SNAP47: variants seen among roughly 807,000 people sequenced by gnomAD.
The protein encoded by SNAP47 is synaptosome associated protein 47.
SNAP47 carries 20 observed loss-of-function variants against 31.4 expected under a neutral mutation model. The observed-to-expected ratio is 0.64, with a 90% CI of 0.45 to 0.93. The LOEUF is 0.93. Ranked by LOEUF, SNAP47 falls within the 40% of genes least tolerant of loss-of-function variation. SNAP47 has a pLI of 0.00. For synonymous variants in SNAP47, 194 were observed against 213.4 expected, an observed-to-expected ratio of 0.91 and a Z score of 0.79; for missense variants, 492 against 528.5, an observed-to-expected ratio of 0.93 and a Z score of 0.68.
upstream of SNAP47, chr1:227,734,142 G>A: frequency 7.7e-7 from 1 of 1,295,908 alleles, no homozygotes; most frequent in South Asian, 1.4e-5. Flanking sequence ...CTTCCAGATG[G>A]CTGCAGCCCC....
chr1:227,759,572 A>C, intron 3 of SNAP47, 87 bp downstream of exon 3: 1 of 1,525,012 alleles, frequency 6.6e-7, no homozygotes. Context: ...TGCCTAACAG[A>C]TGCGTCACCT....
upstream of SNAP47, chr1:227,735,108 C>G (rs992174394): frequency 7.0e-6 from 11 of 1,576,100 alleles, no homozygotes; most frequent in Non-Finnish European, 8.6e-6. Context: ...CTGGAAAACA[C>G]GCAGGGCAGG....
rs748177178 is a variant in SNAP47, at chr1:227,747,988, G to A, written c.252G>A (p.Arg84=). 6 of 1,614,250 alleles carry A rather than the reference G, an allele frequency of 3.7e-6. No homozygotes were observed. Among genetic ancestry groups the A allele is most frequent in the Middle Eastern group, 3.3e-4 (2 of 6,062 alleles). Residue 84 remains arginine (R), a synonymous_variant, in exon 2 of 5, where the codon CGG becomes CGA. Coordinates refer to ENST00000617596, the MANE Select transcript of SNAP47 (RefSeq NM_053052.4). ...CCAAGCACTGGTTCAGCTCCCTGCG[G>A]CCAAGTCGAAATGTGGTCTTCAGCA... ...GHAKHWFSSL[R]PSRNVVFSII... is the part of the protein sequence containing the mutation.
At chr1:227,754,102 G>A (rs1004347691) in intron 2 of SNAP47, among the ~76,000 whole-genome samples, 1 of 152,234 alleles carries the variant, frequency 6.6e-6, no homozygotes, top group Non-Finnish European at 1.5e-5. Context: ...AGTGGAAGTA[G>A]CTCTCAGCAG....
intron 3 of SNAP47, among the ~76,000 whole-genome samples, chr1:227,764,341 C>T (rs919026093): frequency 2.0e-5 from 3 of 152,224 alleles, no homozygotes; most frequent in Non-Finnish European, 2.9e-5. Flanking sequence ...AGAATTCTGT[C>T]CAGCCTTCTG....
intron 2 of SNAP47, among the ~76,000 whole-genome samples, chr1:227,749,209 G>A (rs1486884997): frequency 6.6e-6 from 1 of 152,020 alleles, no homozygotes; most frequent in Non-Finnish European, 1.5e-5. Flanking sequence ...TTTTGTCGCG[G>A]TCGTTTTTCC....
intron 1 of SNAP47, among the ~76,000 whole-genome samples, 198 bp from the exon 2 acceptor site, chr1:227,747,494 C>T (rs916266904): frequency 6.6e-6 from 1 of 152,168 alleles, no homozygotes; most frequent in African/African-American, 2.4e-5. Flanking sequence ...CAAACCAGCC[C>T]TCCTGCTCTG....
At chr1:227,728,349 G>C (rs966501971), upstream of SNAP47, among the ~76,000 whole-genome samples, 18 of 149,886 alleles carry the variant, frequency 1.2e-4, no homozygotes, top group East Asian at 6.3e-4. Context: ...CCACCGGAGC[G>C]GGGGGGGCGG....
At chr1:227,765,344 G>A (rs1025535546) in intron 3 of SNAP47, among the ~76,000 whole-genome samples, 4 of 152,186 alleles carry the variant, frequency 2.6e-5, no homozygotes, top group African/African-American at 7.2e-5. Context: ...CTGGTGCTGC[G>A]AGGTGGACGG....
At chr1:227,746,621 T>C (rs1463566654) in intron 1 of SNAP47, 1 of 152,182 alleles carries the variant, frequency 6.6e-6, no homozygotes, top group Non-Finnish European at 1.5e-5. Flanking sequence ...ATTTGGCACA[T>C]AGCAGGACTC....
At chr1:227,745,580 T>C (rs1195653574) in intron 1 of SNAP47, among the ~76,000 whole-genome samples, 3 of 152,154 alleles carry the variant, frequency 2.0e-5, no homozygotes, top group African/African-American at 7.2e-5. Context: ...TACATGGGTC[T>C]GAGACGGCTT....
At chr1:227,766,008 G>T (rs977123598) in intron 3 of SNAP47, among the ~76,000 whole-genome samples, 1 of 152,168 alleles carries the variant, frequency 6.6e-6, no homozygotes, top group Admixed American at 6.5e-5. Context: ...TATGCCCTTG[G>T]CCCCAGCAAG....
At chr1:227,768,387 CCCGG>C in intron 4 of SNAP47, 4 of 956,750 alleles carry the variant, frequency 4.2e-6, no homozygotes, top group Non-Finnish European at 5.0e-6. Context: ...CTCTGTCAGG[CCCGG>C]CCCTGTTTTT....
intron 1 of SNAP47, among the ~76,000 whole-genome samples, chr1:227,736,758 G>A (rs1301069760): frequency 6.9e-6 from 1 of 145,824 alleles, no homozygotes; most frequent in Non-Finnish European, 1.5e-5. Context: ...TTGGGCTCAA[G>A]CAATCCTTCT....
chr1:227,778,461 G>A (rs1328048969), intron 4 of SNAP47, among the ~76,000 whole-genome samples: 2 of 152,230 alleles, frequency 1.3e-5, no homozygotes, highest in East Asian at 1.9e-4. Flanking sequence ...TATGGTTGAC[G>A]AGGGACATAG....
rs540732076 is a variant in SNAP47 at position 227,751,744 on chromosome 1, GTTTTTTTTTTTTTTTTTTTTT to G, written c.497+3528_497+3548del. Among the ~76,000 whole-genome samples the G allele has an allele frequency of 2.0e-4, 14 of 69,196 alleles. 1 individual carries two copies. The highest frequency in any genetic ancestry group is 9.1e-4 in the East Asian group (2 of 2,206). The allele number at this position is 69,196 out of a possible 152,430, so 45.4% of individuals were successfully genotyped here. ...ATGGGGCCAATTACATAAAGACTTGGTTTTTTTTTTTTTTTTTTTTTTTTTTTTTTTTTTTTTGAGACGGAG... is the reference window on the plus strand; with the variant it reads ...ATGGGGCCAATTACATAAAGACTTGGTTTTTTTTTTTTTTTTGAGACGGAG... On this transcript the variant is annotated intron_variant, in intron 2 of 4. Coordinates refer to ENST00000617596, the MANE Select transcript of SNAP47 (RefSeq NM_053052.4).
At chr1:227,751,597 T>C (rs182518551) in intron 2 of SNAP47, among the ~76,000 whole-genome samples, 4 of 152,238 alleles carry the variant, frequency 2.6e-5, no homozygotes, top group Admixed American at 2.6e-4. Flanking sequence ...CCTTGGTGCC[T>C]TCCCCAGGCC....
intron 3 of SNAP47, among the ~76,000 whole-genome samples, chr1:227,766,268 G>C (rs774258329): frequency 6.6e-6 from 1 of 152,244 alleles, no homozygotes; most frequent in Non-Finnish European, 1.5e-5. Context: ...GGGGAGCTGC[G>C]TGTGCTGCAG....
At chr1:227,743,469 C>T (rs1231346367) in intron 1 of SNAP47, among the ~76,000 whole-genome samples, 1 of 152,366 alleles carries the variant, frequency 6.6e-6, no homozygotes. Flanking sequence ...CCCCGCCTCT[C>T]CTCTGTGACT....
Sources: gnomAD v4.1 joint callset for allele counts (sites outside exome capture counted in the v4.1 genomes callset) on GRCh38, gnomAD v4.1.1 for gene constraint, MANE v1.5 for transcripts, NCBI Gene and HGNC (gene_info 2026-07-23, HGNC 2026-07-21) for gene names.